LRRC4C: variants seen among roughly 807,000 people sequenced by gnomAD.
LRRC4C encodes leucine-rich repeat-containing protein 4C.
In LRRC4C, 5 loss-of-function variants were observed where a neutral mutation model predicts 33.6. The observed-to-expected ratio is 0.15, with a 90% confidence interval of 0.08 to 0.31. The LOEUF (loss-of-function observed/expected upper bound fraction) is 0.31, where lower values mean the gene tolerates loss of function less well. Among genes scored for constraint, LRRC4C ranks in the 10% least tolerant of loss-of-function variants. The pLI is 1.00. For synonymous variants in LRRC4C, 329 were observed against 302.0 expected, an observed-to-expected ratio of 1.09 and a Z score of -0.93; for missense variants, 560 against 796.7, an observed-to-expected ratio of 0.70 and a Z score of 3.58.
chr11:40,743,248 G>T (rs1325189644), intron 2 of LRRC4C, among the ~76,000 whole-genome samples: 1 of 152,044 alleles, frequency 6.6e-6, no homozygotes, highest in Admixed American at 6.6e-5. Flanking sequence ...CAGGCACTTT[G>T]CTAAGTGTGT....
chr11:40,801,216 C>G (rs1480687402), intron 2 of LRRC4C, among the ~76,000 whole-genome samples: 1 of 152,138 alleles, frequency 6.6e-6, no homozygotes, highest in Non-Finnish European at 1.5e-5. Context: ...CCTTGAGTCA[C>G]TATAAGCAAT....
At chr11:41,359,094 A>G (rs562680211) in intron 1 of LRRC4C, among the ~76,000 whole-genome samples, 1 of 152,228 alleles carries the variant, frequency 6.6e-6, no homozygotes, top group African/African-American at 2.4e-5. Context: ...AAGTGAAAAA[A>G]GACTAAATAC....
At chr11:40,443,655 T>C (rs1951496292) in intron 3 of LRRC4C, among the ~76,000 whole-genome samples, 1 of 152,216 alleles carries the variant, frequency 6.6e-6, no homozygotes, top group African/African-American at 2.4e-5. Flanking sequence ...GCAACTCAGT[T>C]AATATTAATT....
intron 3 of LRRC4C, among the ~76,000 whole-genome samples, chr11:40,516,167 G>C (rs1046729357): frequency 1.3e-5 from 2 of 151,834 alleles, no homozygotes; most frequent in Admixed American, 1.3e-4. Flanking sequence ...ATAATATTAA[G>C]TGCTGTTAAC....
At chr11:40,124,037 T>C (rs763891752) in intron 6 of LRRC4C, among the ~76,000 whole-genome samples, 3 of 152,164 alleles carry the variant, frequency 2.0e-5, no homozygotes, top group Non-Finnish European at 4.4e-5. Flanking sequence ...TATGTCTATA[T>C]GCAGAAGAAG....
At chr11:41,018,695 G>A (rs980847853) in intron 1 of LRRC4C, among the ~76,000 whole-genome samples, 2 of 152,036 alleles carry the variant, frequency 1.3e-5, no homozygotes, top group Non-Finnish European at 1.5e-5. Context: ...CACCTCTCTT[G>A]CTACCAAAAG....
chr11:41,241,842 A>G (rs1483158713), intron 1 of LRRC4C, among the ~76,000 whole-genome samples: 2 of 152,164 alleles, frequency 1.3e-5, no homozygotes, highest in Non-Finnish European at 2.9e-5. Flanking sequence ...TGCTCAGTGC[A>G]AGCCCAGTCA....
intron 2 of LRRC4C, among the ~76,000 whole-genome samples, chr11:40,692,672 A>AT (rs1352986340): frequency 6.6e-6 from 1 of 152,038 alleles, no homozygotes; most frequent in Non-Finnish European, 1.5e-5. Context: ...AGTTAGGCCA[A>AT]TTTTTTGCAG....
intron 1 of LRRC4C, among the ~76,000 whole-genome samples, chr11:41,169,469 T>C (rs1944873575): frequency 6.6e-6 from 1 of 152,130 alleles, no homozygotes; most frequent in Non-Finnish European, 1.5e-5. Flanking sequence ...TTCCACATAC[T>C]GATTCTATAA....
chr11:40,481,872 A>G (rs1224544432), intron 3 of LRRC4C, among the ~76,000 whole-genome samples: 1 of 152,194 alleles, frequency 6.6e-6, no homozygotes, highest in Non-Finnish European at 1.5e-5. Context: ...AGATGCTGAA[A>G]AGATAGAGCT....
chr11:40,247,960 G>A (rs1251715583), intron 4 of LRRC4C, among the ~76,000 whole-genome samples: 1 of 152,140 alleles, frequency 6.6e-6, no homozygotes, highest in Non-Finnish European at 1.5e-5. Context: ...TATATATGCA[G>A]CTTAAAATCC....
chr11:40,771,420 C>T (rs1231759314), intron 2 of LRRC4C, among the ~76,000 whole-genome samples: 1 of 152,136 alleles, frequency 6.6e-6, no homozygotes, highest in Non-Finnish European at 1.5e-5. Flanking sequence ...CCTCCTAGGG[C>T]TCTGGGCCTA....
At chr11:40,246,159 A>C (rs1652716214) in intron 4 of LRRC4C, among the ~76,000 whole-genome samples, 1 of 151,944 alleles carries the variant, frequency 6.6e-6, no homozygotes, top group Admixed American at 6.6e-5. Context: ...TTTTTAGTAG[A>C]GACAGGGTTT....
intron 2 of LRRC4C, among the ~76,000 whole-genome samples, chr11:40,668,239 T>C (rs577198709): frequency 6.6e-6 from 1 of 152,336 alleles, no homozygotes; most frequent in East Asian, 1.9e-4. Context: ...TATCATTTTC[T>C]TGTAAAGTAA....
intron 1 of LRRC4C, among the ~76,000 whole-genome samples, chr11:41,031,331 C>T (rs750844848): frequency 2.3e-4 from 35 of 152,022 alleles, no homozygotes; most frequent in Non-Finnish European, 3.7e-4. Context: ...TTCTGTATGA[C>T]GAGCACTAGT....
intron 1 of LRRC4C, among the ~76,000 whole-genome samples, chr11:41,336,437 G>A (rs1473454990): frequency 2.5e-5 from 3 of 118,258 alleles, no homozygotes; most frequent in Admixed American, 8.9e-5. Context: ...AAAATAAAAG[G>A]TGGGGAAAAA....
At chr11:41,281,759 G>C (rs1413172905) in intron 1 of LRRC4C, among the ~76,000 whole-genome samples, 1 of 152,172 alleles carries the variant, frequency 6.6e-6, no homozygotes. Flanking sequence ...AGAGCTACTT[G>C]TTCAATATTG....
At chr11:41,245,268 C>T (rs1387017938) in intron 1 of LRRC4C, among the ~76,000 whole-genome samples, 1 of 152,168 alleles carries the variant, frequency 6.6e-6, no homozygotes, top group Non-Finnish European at 1.5e-5. Flanking sequence ...GGGCTTGTTC[C>T]GCCCACTCAG....
intron 1 of LRRC4C, among the ~76,000 whole-genome samples, chr11:41,430,918 C>A (rs1167790399): frequency 1.3e-5 from 2 of 151,974 alleles, no homozygotes; most frequent in Admixed American, 1.3e-4. Flanking sequence ...GGAATACATT[C>A]TGATAGATAA....
Sources: allele counts gnomAD v4.1 joint callset (sites outside exome capture counted in the v4.1 genomes callset), GRCh38; gene constraint gnomAD v4.1.1; transcripts MANE v1.5; gene names NCBI Gene and HGNC (gene_info 2026-07-23, HGNC 2026-07-21).